LIMK2: variants seen among roughly 807,000 people sequenced by gnomAD.
LIMK2 encodes LIM domain kinase 2.
In LIMK2, 35 loss-of-function variants were observed where a neutral mutation model predicts 75.7. The observed-to-expected ratio is 0.46, with a 90% CI of 0.35 to 0.61. The LOEUF is 0.61. LIMK2 is among the 20% of genes least tolerant of loss of function. LIMK2 has a pLI of 0.00. For synonymous variants in LIMK2, 301 were observed against 319.2 expected (o/e 0.94, Z 0.61); for missense variants, 623 against 831.0 (o/e 0.75, Z 3.08).
In LIMK2 at chr22:31,237,640, A is replaced by AGT. The variant is rs770638847; in HGVS notation, c.116+11828_116+11829dup. Among the ~76,000 whole-genome samples the AGT allele has an allele frequency of 2.0e-5, 3 of 152,034 alleles. No homozygotes were observed. The South Asian group carries it at 6.2e-4, about 31-fold the overall frequency. On this transcript the variant is annotated intron_variant, in intron 2 of 15. Transcript: ENST00000331728. ...CCCTCACAGTATTACTGTGAATAAA[A>AGT]GTGTGTGTAGCACTGGGAACACTAT...
At chr22:31,220,063 C>T (rs916933805) in intron 1 of LIMK2, among the ~76,000 whole-genome samples, 1 of 152,176 alleles carries the variant, frequency 6.6e-6, no homozygotes, top group Non-Finnish European at 1.5e-5. Context: ...CTTTGCATTA[C>T]AGTATTACAT....
chr22:31,236,640 G>A (rs564035405), intron 2 of LIMK2, among the ~76,000 whole-genome samples: 8 of 149,628 alleles, frequency 5.3e-5, no homozygotes, highest in South Asian at 2.1e-4. Flanking sequence ...CGAGCCAGGC[G>A]CGTTTGCTCA....
At chr22:31,246,218 C>T (rs113149547) in intron 2 of LIMK2, among the ~76,000 whole-genome samples, 3,421 of 145,860 alleles carry the variant, frequency 0.023, 137 homozygotes, top group African/African-American at 0.085. Context: ...CACACACACG[C>T]TGGGTATGGT....
chr22:31,246,179 G>GCGCACACACACACACACACACACACACA (rs1555886265), intron 2 of LIMK2, among the ~76,000 whole-genome samples: 5 of 69,774 alleles, frequency 7.2e-5, no homozygotes, highest in African/African-American at 2.1e-4. Flanking sequence ...ACACACGCAC[G>GCGCACACACACACACACACACACACACA]CACGCACACA....
intron 2 of LIMK2, among the ~76,000 whole-genome samples, chr22:31,254,959 C>CAAAAA (rs199942897): frequency 7.1e-6 from 1 of 140,584 alleles, no homozygotes; most frequent in African/African-American, 2.6e-5. Flanking sequence ...AATTCCATCT[C>CAAAAA]AAAAAAAAAA....
intron 7 of LIMK2, among the ~76,000 whole-genome samples, chr22:31,265,235 G>A (rs1345399779): frequency 4.9e-5 from 7 of 141,842 alleles, no homozygotes; most frequent in Admixed American, 3.6e-4. Flanking sequence ...GCGTGGTGGC[G>A]TGCACCTATA....
Position 31,262,837 on chromosome 22 carries a change from C to A in LIMK2, c.854+46C>A. 2 of 1,449,598 alleles carry A rather than the reference C, an allele frequency of 1.4e-6. No individual in the cohort carries two copies. The highest frequency in any genetic ancestry group is 2.7e-5 in the South Asian group (2 of 72,806). 89.8% of individuals were successfully genotyped at this position (1,449,598 alleles called of 1,614,324 possible). A position where few individuals can be genotyped will look rare whatever the true frequency, so the allele number is the denominator to read the frequency against. ...TCTGTTCTGTCCTATGTCTGTCTCT[C>A]GGATGAAGCTGAGCTGGCTTTCAGA... is the stretch of plus-strand genomic sequence containing the variant. On this transcript the variant is annotated intron_variant, in intron 7 of 15. Coordinates refer to ENST00000331728, the MANE Select transcript of LIMK2 (RefSeq NM_005569.4). This position sits in a 1 kb window ranked among gnomAD's most constrained non-coding sequence, Gnocchi z 5.0.
intron 15 of LIMK2, chr22:31,275,762 G>A (rs1359568441): frequency 6.4e-6 from 1 of 155,578 alleles, no homozygotes; most frequent in African/African-American, 2.4e-5. Flanking sequence ...ATATTGTAAT[G>A]TAGATGTTCA....
intron 2 of LIMK2, among the ~76,000 whole-genome samples, chr22:31,235,897 A>G (rs1478021834): frequency 6.6e-6 from 1 of 152,168 alleles, no homozygotes; most frequent in Non-Finnish European, 1.5e-5. Flanking sequence ...TTAAGAGCAC[A>G]CTCTAGAACC....
chr22:31,275,884 A>G (rs1346262063), intron 15 of LIMK2, among the ~76,000 whole-genome samples: 2 of 152,190 alleles, frequency 1.3e-5, no homozygotes, highest in African/African-American at 2.4e-5. Context: ...TATTCTTCTC[A>G]GGTAATAATT....
At chr22:31,221,496 A>G (rs1237064267) in intron 1 of LIMK2, among the ~76,000 whole-genome samples, 1 of 151,918 alleles carries the variant, frequency 6.6e-6, no homozygotes, top group East Asian at 1.9e-4. Context: ...AATAATTATT[A>G]TTTTTTGAGA....
chr22:31,276,710 G>T, intron 15 of LIMK2: 2 of 1,352,452 alleles, frequency 1.5e-6, no homozygotes, highest in Non-Finnish European at 1.9e-6. Flanking sequence ...GCGGCACCGC[G>T]GGGGGCGCGG....
At chr22:31,248,352 A>T in intron 2 of LIMK2, 1 of 1,249,356 alleles carries the variant, frequency 8.0e-7, no homozygotes, top group Non-Finnish European at 1.0e-6. Context: ...ACTGAAGAAG[A>T]AGGCTAACTT....
intron 2 of LIMK2, among the ~76,000 whole-genome samples, chr22:31,247,325 G>A (rs1300365500): frequency 6.6e-6 from 1 of 152,122 alleles, no homozygotes; most frequent in East Asian, 1.9e-4. Flanking sequence ...CACAACTGGG[G>A]GCTGTTCAGG....
chr22:31,244,166 A>T (rs2048646439), intron 2 of LIMK2, among the ~76,000 whole-genome samples: 1 of 152,164 alleles, frequency 6.6e-6, no homozygotes, highest in Non-Finnish European at 1.5e-5. Flanking sequence ...ACATTCCTAG[A>T]CACCGACTCA....
intron 1 of LIMK2, among the ~76,000 whole-genome samples, chr22:31,214,104 A>T (rs537819954): frequency 6.6e-6 from 1 of 152,276 alleles, no homozygotes; most frequent in South Asian, 2.1e-4. Flanking sequence ...GGCGTGAGCC[A>T]CCGCACCCGG....
intron 1 of LIMK2, among the ~76,000 whole-genome samples, chr22:31,223,814 C>CAT (rs999185562): frequency 7.9e-5 from 12 of 152,126 alleles, no homozygotes; most frequent in African/African-American, 2.7e-4. Flanking sequence ...GAGTGATGGG[C>CAT]ATATATATAT....
chr22:31,277,129 CAGA>C lies in LIMK2; in HGVS notation c.1773-1162_1773-1160del, dbSNP rs767118419. On this transcript the variant is annotated intron_variant, in intron 15 of 15. Coordinates refer to ENST00000331728, the MANE Select transcript of LIMK2 (RefSeq NM_005569.4). The stretch of plus-strand genomic sequence containing the variant: ...GGCCATGCAGAAGCTGAGCACACCC[CAGA>C]AGAAGTGAGGGTCCCCGACCCAGGC... The C allele has an allele frequency of 3.1e-5, 50 of 1,613,698 alleles. No individual in the cohort carries two copies. In the African/African-American group the frequency reaches 3.7e-4, roughly 12 times the overall value.
intron 2 of LIMK2, among the ~76,000 whole-genome samples, chr22:31,233,860 TG>T (rs1199780745): frequency 6.6e-6 from 1 of 152,192 alleles, no homozygotes; most frequent in Non-Finnish European, 1.5e-5. Flanking sequence ...AATTATATTT[TG>T]GTAGGTTTAC....
Sources: allele counts gnomAD v4.1 joint callset (sites outside exome capture counted in the v4.1 genomes callset), GRCh38; gene constraint gnomAD v4.1.1; non-coding constraint Gnocchi (gnomAD v3.1); transcripts MANE v1.5; gene names NCBI Gene and HGNC (gene_info 2026-07-23, HGNC 2026-07-21).